The following SYT1 variants were observed in gnomAD, a reference collection of about 807,000 sequenced individuals.
The protein encoded by SYT1 is synaptotagmin 1.
A neutral mutation model predicts 44.8 loss-of-function variants in SYT1; 8 were observed. That is an observed-to-expected ratio of 0.18 (90% CI 0.10 to 0.32). The LOEUF is 0.32. Among genes scored for constraint, SYT1 ranks in the 10% least tolerant of loss-of-function variants. The pLI is 1.00. For synonymous variants in SYT1, 154 were observed against 188.8 expected (o/e 0.82, Z 1.51); for missense variants, 286 against 509.3 (o/e 0.56, Z 4.22).
chr12:79,333,849 C>T (rs1881968296), intron 8 of SYT1, among the ~76,000 whole-genome samples: 1 of 152,118 alleles, frequency 6.6e-6, no homozygotes, highest in South Asian at 2.1e-4. Context: ...CAGCCAAATT[C>T]CCAATGTTGT....
At chr12:79,399,428 T>C (rs1411811464) in intron 9 of SYT1, among the ~76,000 whole-genome samples, 3 of 152,178 alleles carry the variant, frequency 2.0e-5, no homozygotes, top group Admixed American at 1.3e-4. Context: ...AATTTTCCTG[T>C]AAGTCAAAGT....
At chr12:79,013,773 G>A (rs1286309993) in intron 2 of SYT1, among the ~76,000 whole-genome samples, 2 of 152,112 alleles carry the variant, frequency 1.3e-5, no homozygotes, top group Non-Finnish European at 2.9e-5. Flanking sequence ...AGAAGGGTAA[G>A]CTTATGAAGG....
chr12:79,091,470 C>A (rs1877770487), intron 3 of SYT1, among the ~76,000 whole-genome samples: 1 of 151,926 alleles, frequency 6.6e-6, no homozygotes, highest in African/African-American at 2.4e-5. Context: ...GAAAAGATTT[C>A]TAGATTTGGC....
At chr12:79,039,092 T>C (rs1441107797) in intron 2 of SYT1, among the ~76,000 whole-genome samples, 1 of 152,028 alleles carries the variant, frequency 6.6e-6, no homozygotes, top group Non-Finnish European at 1.5e-5. Flanking sequence ...TTTTGCTTAA[T>C]TCTGTAAATA....
chr12:79,080,907 G>T (rs1565796996), intron 3 of SYT1, among the ~76,000 whole-genome samples: 1 of 152,144 alleles, frequency 6.6e-6, no homozygotes, highest in Non-Finnish European at 1.5e-5. Flanking sequence ...ATGGATGTGA[G>T]ATTGGAGAGT....
At chr12:79,302,198 T>A (rs1290084186) in intron 8 of SYT1, among the ~76,000 whole-genome samples, 1 of 152,204 alleles carries the variant, frequency 6.6e-6, no homozygotes, top group Non-Finnish European at 1.5e-5. Flanking sequence ...CTAGCAGTGT[T>A]AAGCATTATT....
At chr12:78,966,690 A>C (rs1209224301) in intron 1 of SYT1, among the ~76,000 whole-genome samples, 1 of 152,224 alleles carries the variant, frequency 6.6e-6, no homozygotes, top group Non-Finnish European at 1.5e-5. Flanking sequence ...TGATTCAAAA[A>C]TTCAGGCATG....
intron 2 of SYT1, among the ~76,000 whole-genome samples, chr12:79,046,708 A>G (rs1179320474): frequency 6.6e-6 from 1 of 152,038 alleles, no homozygotes; most frequent in Non-Finnish European, 1.5e-5. Flanking sequence ...CATATCTATT[A>G]ATATGTATAT....
intron 1 of SYT1, among the ~76,000 whole-genome samples, chr12:78,871,546 A>T (rs547938702): frequency 8.5e-4 from 129 of 152,090 alleles, no homozygotes; most frequent in African/African-American, 2.9e-3. Flanking sequence ...AGGGAAAAAA[A>T]ACTTTTCTAG....
rs1434295219 is a variant in SYT1 at position 79,379,109 on chromosome 12, T to C, written c.928+25490T>C. ...ATTTCATTTTAGTGTTCCTATCATG[T>C]TTTTGAGAATTTCCATCCTCATTTT... On this transcript the variant is annotated intron_variant, in intron 9 of 10. Transcript: ENST00000261205. Among the ~76,000 whole-genome samples, 5 of 152,158 alleles carry C rather than the reference T, an allele frequency of 3.3e-5. No homozygotes were observed. In the South Asian group the frequency reaches 1.0e-3, roughly 31 times the overall value.
chr12:78,911,573 A>C (rs1159636809), intron 1 of SYT1, among the ~76,000 whole-genome samples: 1 of 151,890 alleles, frequency 6.6e-6, no homozygotes, highest in East Asian at 1.9e-4. Context: ...TATCAAAAAA[A>C]AAACAGTCTC....
intron 3 of SYT1, among the ~76,000 whole-genome samples, chr12:79,124,268 T>C (rs1448351084): frequency 1.3e-5 from 2 of 152,196 alleles, no homozygotes; most frequent in Non-Finnish European, 2.9e-5. Flanking sequence ...CATGATGTAA[T>C]TGGAAGAACA....
intron 2 of SYT1, among the ~76,000 whole-genome samples, chr12:78,990,787 C>T (rs1869962802): frequency 1.3e-5 from 2 of 152,124 alleles, no homozygotes; most frequent in Admixed American, 6.6e-5. Context: ...GTAACAGCCA[C>T]ATGTGCCGGT....
intron 9 of SYT1, among the ~76,000 whole-genome samples, chr12:79,409,062 T>G (rs1868329038): frequency 6.6e-6 from 1 of 152,106 alleles, no homozygotes; most frequent in South Asian, 2.1e-4. Flanking sequence ...AAGCAAGCAG[T>G]TAGTTCCACA....
At chr12:79,390,197 T>A (rs1373194185) in intron 9 of SYT1, among the ~76,000 whole-genome samples, 3 of 152,128 alleles carry the variant, frequency 2.0e-5, no homozygotes, top group Non-Finnish European at 4.4e-5. Flanking sequence ...CCTCCCAAAG[T>A]GCTGGGATTA....
At chr12:79,447,346 G>T (rs1301556850) in intron 10 of SYT1, among the ~76,000 whole-genome samples, 1 of 152,046 alleles carries the variant, frequency 6.6e-6, no homozygotes, top group Non-Finnish European at 1.5e-5. Context: ...CAATCTGCCT[G>T]TCCTTCTGTC....
At chr12:79,342,087 C>T (rs75512793) in intron 8 of SYT1, among the ~76,000 whole-genome samples, 1,659 of 152,004 alleles carry the variant, frequency 0.011, 29 homozygotes, top group African/African-American at 0.036. Context: ...GTGGCTGTTG[C>T]GCAGAGGGAG....
chr12:79,236,905 A>G (rs1238021594), intron 4 of SYT1, among the ~76,000 whole-genome samples: 1 of 152,230 alleles, frequency 6.6e-6, no homozygotes, highest in Non-Finnish European at 1.5e-5. Flanking sequence ...GAGGTCCATC[A>G]ATATCAGGCT....
intron 3 of SYT1, among the ~76,000 whole-genome samples, chr12:79,133,491 A>G (rs1226349141): frequency 1.3e-5 from 2 of 152,362 alleles, no homozygotes; most frequent in Admixed American, 6.5e-5. Flanking sequence ...CCTTGTATGC[A>G]TGTATCAAAA....
Sources: gnomAD v4.1 joint callset for allele counts (sites outside exome capture counted in the v4.1 genomes callset) on GRCh38, gnomAD v4.1.1 for gene constraint, MANE v1.5 for transcripts, NCBI Gene and HGNC (gene_info 2026-07-23, HGNC 2026-07-21) for gene names.